The following PKN2 variants were observed in gnomAD, a reference collection of about 807,000 sequenced individuals.
PKN2 encodes the protein protein kinase N2.
PKN2 carries 38 observed loss-of-function variants against 119.1 expected under a neutral mutation model. The ratio of observed to expected loss-of-function variants is 0.32; its 90% CI spans 0.25 to 0.42. The LOEUF (loss-of-function observed/expected upper bound fraction) is 0.42, where lower values mean the gene tolerates loss of function less well. Among genes scored for constraint, PKN2 ranks in the 10% least tolerant of loss-of-function variants. The pLI, the probability that PKN2 is intolerant of heterozygous loss-of-function variation, is 1.00. For missense variants in PKN2, 850 were observed against 1,165.1 expected (o/e 0.73, Z 3.94); for synonymous variants, 390 against 384.9 (o/e 1.01, Z -0.15).
rs371337070 is a variant in PKN2 at position 88,817,547 on chromosome 1, AAC to A, written c.2279+3818_2279+3819del. ...ATGGTGAAACCCCATCTCTACTAAA[AAC>A]ACAAAAAAATTAGCTGGGTGTGGCG... On this transcript the variant is annotated intron_variant, in intron 16 of 21. Coordinates refer to ENST00000370521, the MANE Select transcript of PKN2 (RefSeq NM_006256.4). Among the ~76,000 whole-genome samples the A allele has an allele frequency of 7.3e-4, 111 of 152,086 alleles. No individual in the cohort carries two copies. The East Asian group carries it at 0.02, about 27-fold the overall frequency.
chr1:88,743,911 G>C (rs1668667199), intron 2 of PKN2, among the ~76,000 whole-genome samples: 1 of 150,312 alleles, frequency 6.7e-6, no homozygotes, highest in Non-Finnish European at 1.5e-5. Context: ...TTGGAGGGCA[G>C]ATGATATATG....
chr1:88,772,865 C>A (rs1487863631), intron 6 of PKN2, among the ~76,000 whole-genome samples: 1 of 151,962 alleles, frequency 6.6e-6, no homozygotes, highest in Non-Finnish European at 1.5e-5. Flanking sequence ...CTTCTTTGAT[C>A]GTGTTCTAAT....
chr1:88,781,254 C>A, intron 6 of PKN2: 1 of 780,764 alleles, frequency 1.3e-6, no homozygotes. Flanking sequence ...TATGATTATA[C>A]TACTGAAATT....
chr1:88,774,902 T>TCTCA (rs1218433590), intron 6 of PKN2, among the ~76,000 whole-genome samples: 19 of 152,018 alleles, frequency 1.2e-4, no homozygotes, highest in African/African-American at 4.6e-4. Flanking sequence ...AGCAATGGCG[T>TCTCA]CTCACTGTGT....
At chr1:88,794,095 C>T (rs888989828) in intron 8 of PKN2, among the ~76,000 whole-genome samples, 7 of 152,298 alleles carry the variant, frequency 4.6e-5, no homozygotes, top group East Asian at 1.9e-4. Flanking sequence ...CTGTTGGGCA[C>T]GGTGGCTCAC....
intron 4 of PKN2, among the ~76,000 whole-genome samples, chr1:88,770,865 G>A (rs1428120506): frequency 1.3e-5 from 2 of 150,472 alleles, no homozygotes; most frequent in African/African-American, 4.9e-5. Flanking sequence ...GATTACAGGC[G>A]TGAGCCACCG....
At chr1:88,700,040 C>T (rs552996160) in intron 1 of PKN2, among the ~76,000 whole-genome samples, 1 of 152,214 alleles carries the variant, frequency 6.6e-6, no homozygotes, top group Admixed American at 6.5e-5. Flanking sequence ...ACCTTGGCCT[C>T]CCAAAGTGCT....
chr1:88,775,360 A>ATG, intron 6 of PKN2, among the ~76,000 whole-genome samples: 1 of 152,310 alleles, frequency 6.6e-6, no homozygotes, highest in East Asian at 1.9e-4. Context: ...TCTTAACAGT[A>ATG]TGTAGCCTTT....
chr1:88,807,713 T>C lies in PKN2; in HGVS notation c.2040T>C (p.Asn680=). Residue 680 remains asparagine (N), a synonymous_variant, in exon 15 of 22, where the codon AAT becomes AAC. Transcript: ENST00000370521. ...KVLLAEYKNT[N]EMFAIKALKK... is the part of the protein sequence containing the mutation. ...TTTTAGCTGAATATAAAAACACAAA[T>C]GAGATGTTTGCTATAAAAGCCTTAA... 1 of 1,597,144 alleles carries C rather than the reference T, an allele frequency of 6.3e-7. No homozygotes were observed. The highest frequency in any genetic ancestry group is 8.6e-7 in the Non-Finnish European group (1 of 1,168,186).
intron 2 of PKN2, among the ~76,000 whole-genome samples, chr1:88,747,839 T>A (rs763140882): frequency 2.0e-5 from 3 of 152,138 alleles, no homozygotes; most frequent in Non-Finnish European, 4.4e-5. Context: ...TTTGTGGGGT[T>A]AATCTTAGCA....
chr1:88,811,035 G>A (rs1454295110), intron 15 of PKN2, among the ~76,000 whole-genome samples: 1 of 152,000 alleles, frequency 6.6e-6, no homozygotes, highest in Non-Finnish European at 1.5e-5. Flanking sequence ...CTCTTTTTAA[G>A]TGAACACAAA....
chr1:88,706,163 C>T (rs1442202765), intron 1 of PKN2, among the ~76,000 whole-genome samples: 1 of 152,118 alleles, frequency 6.6e-6, no homozygotes, highest in Non-Finnish European at 1.5e-5. Flanking sequence ...CCTCTAATTT[C>T]TTTCAGCAGT....
intron 8 of PKN2, among the ~76,000 whole-genome samples, chr1:88,802,165 G>A (rs1671340094): frequency 6.6e-6 from 1 of 152,056 alleles, no homozygotes; most frequent in South Asian, 2.1e-4. Flanking sequence ...TATTCCTAGT[G>A]TCTTTTATTT....
chr1:88,689,670 G>A (rs944186657), intron 1 of PKN2, among the ~76,000 whole-genome samples: 1 of 152,074 alleles, frequency 6.6e-6, no homozygotes, highest in Non-Finnish European at 1.5e-5. Flanking sequence ...AATTAGCCAG[G>A]TGTGGTGATG....
chr1:88,800,997 G>T (rs965257638), intron 8 of PKN2, among the ~76,000 whole-genome samples: 3 of 152,134 alleles, frequency 2.0e-5, no homozygotes, highest in Admixed American at 6.6e-5. Flanking sequence ...CCTAGAGTTT[G>T]AAATTATCTA....
chr1:88,803,210 C>A (rs575955235), intron 8 of PKN2, among the ~76,000 whole-genome samples: 15 of 152,186 alleles, frequency 9.9e-5, no homozygotes, highest in Non-Finnish European at 2.1e-4. Context: ...AATTCTTTTC[C>A]TGTTTGACTG....
chr1:88,723,917 CATA>C (rs1667794711), intron 1 of PKN2, among the ~76,000 whole-genome samples: 1 of 152,088 alleles, frequency 6.6e-6, no homozygotes, highest in Admixed American at 6.6e-5. Flanking sequence ...TTTTGGTTCT[CATA>C]ATAATATTGA....
rs1354525743 is a variant in PKN2, at chr1:88,833,364, G to A, written c.2871G>A (p.Leu957=). The change falls in exon 22 of 22, where the codon CTG becomes CTA. Residue 957 remains leucine (L), a synonymous_variant. Transcript: ENST00000370521. The part of the protein sequence containing the change: ...DDEFTSEAPI[L]TPPREPRILS... ...AATTTACCTCAGAAGCACCTATTCT[G>A]ACTCCACCTCGAGAACCAAGGATAC... The A allele has an allele frequency of 6.2e-6, 10 of 1,613,338 alleles. No individual in the cohort carries two copies. In the Admixed American group the frequency reaches 1.2e-4, roughly 19 times the overall value.
rs551152969 is a variant in PKN2, at chr1:88,715,538, T to A, written c.49-25450T>A. Among the ~76,000 whole-genome samples, 815 of 152,340 alleles carry A rather than the reference T, an allele frequency of 5.3e-3. 11 individuals are homozygous for A. Among genetic ancestry groups the A allele is most frequent in the African/African-American group, 0.019 (776 of 41,578 alleles). On this transcript the variant is annotated intron_variant, in intron 1 of 21. Transcript: ENST00000370521. ...GGAATTTATCCATTTCTTCTAGAAT[T>A]TCTAGTTCATTTGCCTAGAGGTGTT...
Sources: allele counts gnomAD v4.1 joint callset (sites outside exome capture counted in the v4.1 genomes callset), GRCh38; gene constraint gnomAD v4.1.1; transcripts MANE v1.5; gene names NCBI Gene and HGNC (gene_info 2026-07-23, HGNC 2026-07-21).